Variants in PLB1 observed in about 807,000 individuals in gnomAD.
PLB1 encodes the protein phospholipase B1, membrane-associated.
PLB1 carries 242 observed loss-of-function variants against 227.4 expected under a neutral mutation model. The ratio of observed to expected loss-of-function variants is 1.06; its 90% CI spans 0.96 to 1.18. The LOEUF is 1.18. Among genes scored for constraint, PLB1 ranks in the 50% most tolerant of loss-of-function variants. PLB1 has a pLI of 0.00. For missense variants in PLB1, 1,858 were observed against 1,816.3 expected (o/e 1.02, Z -0.42); for synonymous variants, 757 against 682.2 (o/e 1.11, Z -1.71).
At chr2:28,565,374 G>T in intron 19 of PLB1, 21 bp downstream of exon 19, 3 of 1,587,598 alleles carry the variant, frequency 1.9e-6, no homozygotes, top group Non-Finnish European at 2.6e-6. Flanking sequence ...GTGTGGCAAG[G>T]CCCCAAAGGC....
intron 21 of PLB1, among the ~76,000 whole-genome samples, chr2:28,574,400 T>G (rs1187728226): frequency 1.4e-5 from 2 of 143,662 alleles, no homozygotes; most frequent in African/African-American, 2.5e-5. Context: ...TTTTTTTTTT[T>G]GAGACAGGGT....
At chr2:28,610,601 G>T (rs1035561534) in intron 43 of PLB1, among the ~76,000 whole-genome samples, 1 of 152,138 alleles carries the variant, frequency 6.6e-6, no homozygotes, top group Non-Finnish European at 1.5e-5. Context: ...GCCAACCCCT[G>T]CCTCATATGG....
rs1011673589 is a variant in PLB1 at position 28,602,856 on chromosome 2, G to A, written c.2709G>A (p.Leu903=). The A allele has an allele frequency of 1.3e-5, 21 of 1,614,134 alleles. No individual in the cohort carries two copies. Among genetic ancestry groups the A allele is most frequent in the Non-Finnish European group, 1.7e-5 (20 of 1,180,008 alleles). ...TCCTGGTCAACCTCGTGGACTTCCT[G>A]AACCCCACTATCATGCGGCAGGTGT... ...PRVLVNLVDF[L]NPTIMRQVFL... is the part of the protein sequence containing the mutation. Residue 903 remains leucine (L), a synonymous_variant, in exon 39 of 58, where the codon CTG becomes CTA. Transcript: ENST00000327757.
chr2:28,544,979 T>C (rs1273789928), intron 14 of PLB1, among the ~76,000 whole-genome samples: 1 of 152,146 alleles, frequency 6.6e-6, no homozygotes, highest in Admixed American at 6.5e-5. Context: ...TATTTGTCCT[T>C]GATATTGGTG....
chr2:28,561,912 G>A (rs1290342583), intron 17 of PLB1, among the ~76,000 whole-genome samples: 2 of 85,638 alleles, frequency 2.3e-5, no homozygotes, highest in African/African-American at 4.0e-5. Flanking sequence ...TAAAATGAAT[G>A]TATTGATACA....
chr2:28,602,776 A>G, intron 38 of PLB1, 45 bp from the exon 39 acceptor site: 1 of 1,553,732 alleles, frequency 6.4e-7, no homozygotes, highest in South Asian at 1.1e-5. Context: ...CAGCCCCAGG[A>G]AGAAGTGCCT....
intron 17 of PLB1, among the ~76,000 whole-genome samples, chr2:28,562,307 G>C (rs555326611): frequency 6.6e-6 from 1 of 152,102 alleles, no homozygotes; most frequent in South Asian, 2.1e-4. Context: ...ACTTTGGGAG[G>C]CCAAGCCAAG....
At chr2:28,606,061 C>A in intron 42 of PLB1, 113 bp downstream of exon 42, 1 of 803,426 alleles carries the variant, frequency 1.2e-6, no homozygotes, top group Non-Finnish European at 2.1e-6. Context: ...GCTGGTACAT[C>A]TATAAACGTC....
chr2:28,626,464 C>T lies in PLB1; in HGVS notation c.3616C>T (p.Leu1206Phe), dbSNP rs773864598. Residue 1206 changes from leucine to phenylalanine, a missense_variant, in exon 51 of 58, where the codon CTC (leucine) becomes TTC (phenylalanine). Coordinates refer to ENST00000327757, the MANE Select transcript of PLB1 (RefSeq NM_153021.5). ...NLEKDWKLVTLFIGVNDLCHY... is the reference protein window; with the variant it reads ...NLEKDWKLVTFFIGVNDLCHY... ...GGAGAAAGACTGGAAGCTGGTCACACTCTTCATTGGGGTCAACGACTTGTG... is the reference window on the plus strand; with the variant it reads ...GGAGAAAGACTGGAAGCTGGTCACATTCTTCATTGGGGTCAACGACTTGTG... 6.2e-6 allele frequency: 10 copies of T among 1,614,032 alleles called. No homozygotes were observed. Among genetic ancestry groups the T allele is most frequent in the Middle Eastern group, 1.6e-4 (1 of 6,084 alleles).
At chr2:28,531,761 T>C (rs1158176756) in intron 8 of PLB1, among the ~76,000 whole-genome samples, 1 of 152,272 alleles carries the variant, frequency 6.6e-6, no homozygotes, top group African/African-American at 2.4e-5. Flanking sequence ...TGGACATTTA[T>C]GTTGTTTCCA....
chr2:28,571,011 C>CA (rs1158574598), intron 20 of PLB1, among the ~76,000 whole-genome samples: 4 of 151,960 alleles, frequency 2.6e-5, no homozygotes, highest in African/African-American at 9.7e-5. Context: ...AATGAAAGAA[C>CA]AAGTACCAAG....
rs544545187 is a variant in PLB1 at position 28,640,917 on chromosome 2, C to T, written c.4099-10C>T. The T allele has an allele frequency of 6.2e-7, 1 of 1,612,410 alleles. No homozygotes were observed. Among genetic ancestry groups the T allele is most frequent in the Non-Finnish European group, 8.5e-7 (1 of 1,179,090 alleles). ...TGGAGAGAATCGAGGTGTCCTTTCT[C>T]TCTCTCCAGCTGGAACCAGTGGGCC... is the stretch of plus-strand genomic sequence containing the variant. On this transcript the variant is annotated splice_polypyrimidine_tract_variant and intron_variant, in intron 56 of 57. Coordinates refer to ENST00000327757, the MANE Select transcript of PLB1 (RefSeq NM_153021.5).
intron 14 of PLB1, among the ~76,000 whole-genome samples, chr2:28,547,938 G>A (rs983460362): frequency 6.6e-6 from 1 of 152,046 alleles, no homozygotes; most frequent in Admixed American, 6.6e-5. Context: ...ATAATCTGCT[G>A]GTTTCTCCTG....
chr2:28,570,495 C>T (rs1677825532), intron 20 of PLB1, among the ~76,000 whole-genome samples: 2 of 144,038 alleles, frequency 1.4e-5, no homozygotes, highest in South Asian at 2.3e-4. Context: ...GATAGAAACA[C>T]TCAACAAAGG....
At chr2:28,535,908 A>C (rs1401351725) in intron 9 of PLB1, among the ~76,000 whole-genome samples, 1 of 152,166 alleles carries the variant, frequency 6.6e-6, no homozygotes, top group African/African-American at 2.4e-5. Context: ...CAACAGAGTG[A>C]GACTCTGTCT....
At chr2:28,529,665 G>A (rs1670749106) in intron 7 of PLB1, 63 bp from the exon 8 acceptor site, 8 of 1,524,574 alleles carry the variant, frequency 5.2e-6, no homozygotes, top group Non-Finnish European at 7.3e-6. Flanking sequence ...CAAGGGGCAA[G>A]CTTCCAGCCC....
At chr2:28,601,226 T>G in intron 36 of PLB1, 26 bp from the exon 37 acceptor site, 1 of 1,570,956 alleles carries the variant, frequency 6.4e-7, no homozygotes, top group Non-Finnish European at 8.8e-7. Flanking sequence ...TTGGAAATTA[T>G]CAAGCATTTT....
intron 33 of PLB1, chr2:28,594,090 G>A (rs766437233): frequency 2.0e-5 from 12 of 611,460 alleles, no homozygotes; most frequent in South Asian, 7.0e-5. Context: ...ACGTGTACAC[G>A]TGGTGTTCCT....
chr2:28,563,375 G>A (rs535497157), intron 18 of PLB1, among the ~76,000 whole-genome samples: 1 of 152,164 alleles, frequency 6.6e-6, no homozygotes, highest in Admixed American at 6.5e-5. Flanking sequence ...GAGGGAGTGT[G>A]GGTGACAGGA....
Sources: allele counts gnomAD v4.1 joint callset (sites outside exome capture counted in the v4.1 genomes callset), GRCh38; gene constraint gnomAD v4.1.1; transcripts MANE v1.5; gene names NCBI Gene and HGNC (gene_info 2026-07-23, HGNC 2026-07-21).